SVEP1: variants seen among roughly 807,000 people sequenced by gnomAD.
SVEP1 encodes the protein sushi, von Willebrand factor type A, EGF and pentraxin domain-containing protein 1.
SVEP1 carries 164 observed loss-of-function variants against 367.3 expected under a neutral mutation model. The ratio of observed to expected loss-of-function variants is 0.45; its 90% confidence interval spans 0.39 to 0.51. SVEP1 has a LOEUF of 0.51. Among genes scored for constraint, SVEP1 ranks in the 20% least tolerant of loss-of-function variants. SVEP1 has a pLI of 0.00. For missense variants in SVEP1, 4,117 were observed against 4,425.3 expected, an observed-to-expected ratio of 0.93 and a Z score of 1.98; for synonymous variants, 1,666 against 1,611.6, an observed-to-expected ratio of 1.03 and a Z score of -0.81.
intron 3 of SVEP1, among the ~76,000 whole-genome samples, chr9:110,523,836 A>T (rs1829907823): frequency 1.3e-5 from 2 of 152,076 alleles, no homozygotes; most frequent in Admixed American, 1.3e-4. Flanking sequence ...AGAGGGAAGG[A>T]AATAGTAAAT....
chr9:110,449,051 T>C (rs1417589375), intron 24 of SVEP1, among the ~76,000 whole-genome samples: 3 of 152,302 alleles, frequency 2.0e-5, no homozygotes, highest in African/African-American at 7.2e-5. Flanking sequence ...TTGAGGACAA[T>C]ACAGTTTTCT....
intron 40 of SVEP1, among the ~76,000 whole-genome samples, chr9:110,391,730 C>T (rs1827658617): frequency 6.6e-6 from 1 of 152,176 alleles, no homozygotes; most frequent in Non-Finnish European, 1.5e-5. Flanking sequence ...TTTACAAATA[C>T]TGATGTGCAG....
At position 110,375,393 on chromosome 9, in the gene SVEP1, G is replaced by A. The variant is rs1270263140; in HGVS notation, c.10575C>T (p.Gly3525=). 1 of 1,546,418 alleles carries A rather than the reference G, an allele frequency of 6.5e-7. No homozygotes were observed. The highest frequency in any genetic ancestry group is 8.7e-7 in the Non-Finnish European group (1 of 1,146,596). Residue 3525 remains glycine, a synonymous_variant, in exon 46 of 48, where the codon GGC becomes GGT. Coordinates refer to ENST00000374469, the MANE Select transcript of SVEP1 (RefSeq NM_153366.4). ...VAPYQCDCPP[G]WTGSRCHTAV... ...CTGTATGACAGCGAGACCCCGTCCA[G>A]CCAGGCGGGCAGTCACACTGGTAAG...
chr9:110,575,307 C>A (rs1195035135), intron 1 of SVEP1, among the ~76,000 whole-genome samples: 4 of 152,128 alleles, frequency 2.6e-5, no homozygotes, highest in African/African-American at 9.7e-5. Flanking sequence ...CGACTCATTA[C>A]CCATTTTACT....
chr9:110,387,503 C>A, intron 41 of SVEP1, 45 bp from the exon 42 acceptor site: 1 of 1,515,256 alleles, frequency 6.6e-7, no homozygotes, highest in Non-Finnish European at 8.8e-7. Flanking sequence ...TTCCCCAATT[C>A]CTCTTTCCTT....
At chr9:110,497,448 C>T (rs1488117688) in intron 7 of SVEP1, among the ~76,000 whole-genome samples, 1 of 152,160 alleles carries the variant, frequency 6.6e-6, no homozygotes, top group Admixed American at 6.6e-5. Context: ...GAATTTTCTC[C>T]CCCAATAGAA....
At chr9:110,471,874 C>G (rs190195170) in intron 15 of SVEP1, among the ~76,000 whole-genome samples, 1 of 152,154 alleles carries the variant, frequency 6.6e-6, no homozygotes, top group Admixed American at 6.5e-5. Flanking sequence ...TTTGGGAGTT[C>G]TTTATTATAA....
At chr9:110,514,758 A>C (rs1266153464) in intron 3 of SVEP1, among the ~76,000 whole-genome samples, 1 of 152,186 alleles carries the variant, frequency 6.6e-6, no homozygotes, top group Non-Finnish European at 1.5e-5. Context: ...AATGATCCTC[A>C]ATAGATAAAA....
chr9:110,452,128 T>A (rs1588060245), intron 22 of SVEP1, among the ~76,000 whole-genome samples: 1 of 152,208 alleles, frequency 6.6e-6, no homozygotes, highest in South Asian at 2.1e-4. Context: ...GACATTAAAA[T>A]ATGCTAAAAG....
chr9:110,375,601 T>C, intron 45 of SVEP1, 138 bp from the exon 46 acceptor site: 1 of 684,778 alleles, frequency 1.5e-6, no homozygotes, highest in East Asian at 2.7e-5. Context: ...ACTAAATAAG[T>C]TTCCTGCATG....
intron 3 of SVEP1, among the ~76,000 whole-genome samples, chr9:110,535,383 T>C (rs1308348506): frequency 6.6e-6 from 1 of 152,200 alleles, no homozygotes; most frequent in East Asian, 1.9e-4. Context: ...TATGTGTCTG[T>C]TTTTGTACCA....
chr9:110,574,743 C>CTTTTTTTT (rs1163833465), intron 1 of SVEP1, among the ~76,000 whole-genome samples: 1 of 84,786 alleles, frequency 1.2e-5, no homozygotes, highest in Non-Finnish European at 2.4e-5. Context: ...AGTCGACCTT[C>CTTTTTTTT]TTTTTTTTTT....
chr9:110,438,390 C>T (rs572470135), intron 27 of SVEP1, among the ~76,000 whole-genome samples: 3 of 151,594 alleles, frequency 2.0e-5, no homozygotes, highest in Non-Finnish European at 2.9e-5. Flanking sequence ...GGGGTTTCGC[C>T]CACCCTCACC....
chr9:110,399,708 A>T (rs1179797893), intron 40 of SVEP1, among the ~76,000 whole-genome samples: 2 of 151,622 alleles, frequency 1.3e-5, no homozygotes, highest in Non-Finnish European at 2.9e-5. Flanking sequence ...CATTTTCTGT[A>T]TTTTTTGTGG....
chr9:110,547,624 G>GT (rs1830236342), intron 2 of SVEP1, among the ~76,000 whole-genome samples: 1 of 152,174 alleles, frequency 6.6e-6, no homozygotes, highest in African/African-American at 2.4e-5. Context: ...GTCAAGACTA[G>GT]TGTACCAGCA....
chr9:110,559,263 A>G (rs1830393700), intron 1 of SVEP1, among the ~76,000 whole-genome samples: 1 of 152,104 alleles, frequency 6.6e-6, no homozygotes, highest in Non-Finnish European at 1.5e-5. Context: ...CTCTAAAAAA[A>G]TCAGAATTAG....
At chr9:110,568,384 T>C (rs1488943617) in intron 1 of SVEP1, among the ~76,000 whole-genome samples, 1 of 152,236 alleles carries the variant, frequency 6.6e-6, no homozygotes, top group Non-Finnish European at 1.5e-5. Flanking sequence ...CATTCTTTTA[T>C]AGGGAATTTT....
intron 45 of SVEP1, 34 bp from the exon 46 acceptor site, chr9:110,375,497 A>AG (rs1564122198): frequency 2.9e-6 from 4 of 1,377,260 alleles, no homozygotes; most frequent in Non-Finnish European, 2.9e-6. Context: ...AAAAGGAGGC[A>AG]GGGGGGATTG....
At chr9:110,536,279 A>G (rs971721163) in intron 3 of SVEP1, among the ~76,000 whole-genome samples, 2 of 152,034 alleles carry the variant, frequency 1.3e-5, no homozygotes, top group African/African-American at 4.8e-5. Context: ...TGTTGAACCA[A>G]CCTTGCATCC....
Sources: allele counts gnomAD v4.1 joint callset (sites outside exome capture counted in the v4.1 genomes callset), GRCh38; gene constraint gnomAD v4.1.1; transcripts MANE v1.5; gene names NCBI Gene and HGNC (gene_info 2026-07-23, HGNC 2026-07-21).